ATP10A: variants seen among roughly 807,000 people sequenced by gnomAD.
ATP10A encodes ATPase phospholipid transporting 10A (putative).
In ATP10A, 111 loss-of-function variants were observed where a neutral mutation model predicts 147.8. The observed-to-expected ratio is 0.75, with a 90% CI of 0.64 to 0.88. The LOEUF (loss-of-function observed/expected upper bound fraction) is 0.88, where lower values mean the gene tolerates loss of function less well. Ranked by LOEUF, ATP10A falls within the 40% of genes least tolerant of loss-of-function variation. The pLI is 0.00. For missense variants in ATP10A, 1,927 were observed against 1,959.0 expected (o/e 0.98, Z 0.31); for synonymous variants, 875 against 841.6 (o/e 1.04, Z -0.69).
intron 2 of ATP10A, among the ~76,000 whole-genome samples, chr15:25,759,960 A>G (rs1030971571): frequency 4.2e-5 from 6 of 142,630 alleles, no homozygotes; most frequent in African/African-American, 1.5e-4. Context: ...TTCCTATCTG[A>G]TCATGTAATT....
Position 25,714,348 on chromosome 15 carries a change from C to A in ATP10A, c.1777-107G>T, listed in dbSNP as rs1033382512. 4.5e-5 allele frequency: 44 copies of A among 986,636 alleles called. 1 individual carries two copies. In the African/African-American group the frequency reaches 6.8e-4, roughly 15 times the overall value. The allele number at this position is 986,636 out of a possible 1,614,324, so 61.1% of individuals were successfully genotyped here. Reference sequence around the variant, plus strand: ...CAGGCACTTGGAGGAACAATGACCTCGCTTCCCCACTGGGGTCTCAGAGCA... The same window carrying A: ...CAGGCACTTGGAGGAACAATGACCTAGCTTCCCCACTGGGGTCTCAGAGCA... On this transcript the variant is annotated intron_variant, in intron 9 of 20. Transcript: ENST00000555815.
At chr15:25,761,185 CACTGT>C (rs1888738443) in intron 2 of ATP10A, among the ~76,000 whole-genome samples, 1 of 152,190 alleles carries the variant, frequency 6.6e-6, no homozygotes, top group Non-Finnish European at 1.5e-5. Context: ...AAAAAGGACA[CACTGT>C]ATTATTCCAT....
chr15:25,826,111 T>C (rs1031100192), intron 1 of ATP10A, among the ~76,000 whole-genome samples: 3 of 152,108 alleles, frequency 2.0e-5, no homozygotes, highest in African/African-American at 4.8e-5. Flanking sequence ...AATAGGTCAA[T>C]TGAGATTGCT....
chr15:25,748,036 C>G (rs1439484423), intron 2 of ATP10A, among the ~76,000 whole-genome samples: 1 of 151,914 alleles, frequency 6.6e-6, no homozygotes, highest in Non-Finnish European at 1.5e-5. Context: ...GATCTTGGCT[C>G]ACTGCAAGCT....
chr15:25,813,731 T>C (rs1263548545), intron 1 of ATP10A, among the ~76,000 whole-genome samples: 1 of 152,110 alleles, frequency 6.6e-6, no homozygotes, highest in African/African-American at 2.4e-5. Flanking sequence ...AGTTGAAAAC[T>C]ACAATGTCTC....
At chr15:25,735,129 C>T (rs1887199623) in intron 3 of ATP10A, among the ~76,000 whole-genome samples, 1 of 152,102 alleles carries the variant, frequency 6.6e-6, no homozygotes, top group South Asian at 2.1e-4. Flanking sequence ...GGAGGTGGCC[C>T]CTTGTGCTGC....
chr15:25,742,908 T>C (rs145753649), intron 2 of ATP10A, among the ~76,000 whole-genome samples: 1 of 152,380 alleles, frequency 6.6e-6, no homozygotes, highest in East Asian at 1.9e-4. Context: ...CATCAGTCTG[T>C]CTGCTTCCAC....
upstream of ATP10A, among the ~76,000 whole-genome samples, chr15:25,863,366 CG>C (rs1893866318): frequency 6.6e-6 from 1 of 151,910 alleles, no homozygotes; most frequent in Non-Finnish European, 1.5e-5. Flanking sequence ...CCTCGCCGCC[CG>C]CCCCCGGCCC....
intron 1 of ATP10A, among the ~76,000 whole-genome samples, chr15:25,827,573 T>A (rs960793832): frequency 6.6e-6 from 1 of 152,206 alleles, no homozygotes; most frequent in Non-Finnish European, 1.5e-5. Flanking sequence ...GTGGTATTAA[T>A]CTGACCTACA....
intron 15 of ATP10A, chr15:25,688,086 C>A: frequency 2.0e-6 from 1 of 506,724 alleles, no homozygotes; most frequent in Non-Finnish European, 3.6e-6. Flanking sequence ...ATATGTGTCA[C>A]TAATGGGGTT....
At chr15:25,810,064 T>C (rs1025858699) in intron 1 of ATP10A, among the ~76,000 whole-genome samples, 1 of 151,610 alleles carries the variant, frequency 6.6e-6, no homozygotes, top group African/African-American at 2.4e-5. Flanking sequence ...GTCTTACACA[T>C]TAGGCTCATC....
In ATP10A at chr15:25,721,761, T is replaced by A. The variant is rs144776775; in HGVS notation, c.1259A>T (p.Gln420Leu). The A allele has an allele frequency of 1.2e-4, 187 of 1,614,242 alleles. No individual in the cohort carries two copies. In the African/African-American group the frequency reaches 2.2e-3, roughly 19 times the overall value. ...RALNITEDLGQIQYIFSDKTG... is the reference protein window; with the variant it reads ...RALNITEDLGLIQYIFSDKTG... ...TTTATCTGAGAAAATGTACTGTATC[T>A]GTCCTAAGTCTTCCGTGATGTTCAG... Residue 420 changes from glutamine (Q) to leucine (L), a missense_variant, in exon 7 of 21, where the codon CAG (glutamine) becomes CTG (leucine). Coordinates refer to ENST00000555815, the MANE Select transcript of ATP10A (RefSeq NM_024490.4).
rs1899238313 is a variant in ATP10A, at chr15:25,679,431, T to C, written c.4410A>G (p.Gly1470=). 6.2e-7 allele frequency: 1 copy of C among 1,613,934 alleles called. No homozygotes were observed. Among genetic ancestry groups the C allele is most frequent in the East Asian group, 2.2e-5 (1 of 44,852 alleles). ...GGCCTGAGTGGGGCTGGACAGGAAGTCCACGTCCCGCTTGTCCATCTGCAA... is the reference window on the plus strand; with the variant it reads ...GGCCTGAGTGGGGCTGGACAGGAAGCCCACGTCCCGCTTGTCCATCTGCAA... ...EQLADGQAGR[G]LPVQPHSGRS... Residue 1470 remains glycine (G), a synonymous_variant, in exon 21 of 21, where the codon GGA becomes GGG. Transcript: ENST00000555815.
chr15:25,777,948 T>A (rs2140692382), intron 2 of ATP10A, among the ~76,000 whole-genome samples: 1 of 152,122 alleles, frequency 6.6e-6, no homozygotes, highest in African/African-American at 2.4e-5. Flanking sequence ...TTCTTTTTTA[T>A]TTATTTTTTT....
intron 1 of ATP10A, among the ~76,000 whole-genome samples, chr15:25,830,039 C>G (rs1272064213): frequency 1.3e-5 from 2 of 152,090 alleles, no homozygotes; most frequent in African/African-American, 4.8e-5. Context: ...GCCTCGGTCA[C>G]CATCTGGAGG....
At chr15:25,737,593 T>A (rs1446590805) in intron 2 of ATP10A, among the ~76,000 whole-genome samples, 1 of 152,104 alleles carries the variant, frequency 6.6e-6, no homozygotes, top group African/African-American at 2.4e-5. Flanking sequence ...TTCCTCTGCA[T>A]CCTTCTGGAA....
intron 2 of ATP10A, among the ~76,000 whole-genome samples, chr15:25,752,986 A>C (rs966990672): frequency 5.9e-5 from 9 of 152,074 alleles, no homozygotes; most frequent in Admixed American, 1.3e-4. Flanking sequence ...TAATTGTATA[A>C]ATTTATGGGG....
At chr15:25,835,925 C>T (rs953233964) in intron 1 of ATP10A, among the ~76,000 whole-genome samples, 1 of 152,206 alleles carries the variant, frequency 6.6e-6, no homozygotes, top group Non-Finnish European at 1.5e-5. Context: ...GCCATTCTCC[C>T]GCCTCAGCCT....
intron 1 of ATP10A, among the ~76,000 whole-genome samples, chr15:25,784,899 G>C (rs112205022): frequency 2.0e-5 from 3 of 151,296 alleles, no homozygotes; most frequent in Non-Finnish European, 4.4e-5. Context: ...TCCAGCCTGG[G>C]TGACGGAGCG....
Sources: gnomAD v4.1 joint callset for allele counts (sites outside exome capture counted in the v4.1 genomes callset) on GRCh38, gnomAD v4.1.1 for gene constraint, MANE v1.5 for transcripts, NCBI Gene and HGNC (gene_info 2026-07-23, HGNC 2026-07-21) for gene names.